Variants in ZBTB38 observed in about 807,000 individuals in gnomAD.
ZBTB38 encodes the protein zinc finger and BTB domain-containing protein 38.
A neutral mutation model predicts 76.8 loss-of-function variants in ZBTB38; 20 were observed. The ratio of observed to expected loss-of-function variants is 0.26; its 90% confidence interval spans 0.18 to 0.38. The LOEUF is 0.38. Ranked by LOEUF, ZBTB38 falls within the 10% of genes least tolerant of loss-of-function variation. ZBTB38 has a pLI of 1.00. For synonymous variants in ZBTB38, 504 were observed against 544.2 expected (o/e 0.93, Z 1.03); for missense variants, 1,082 against 1,482.3 (o/e 0.73, Z 4.43).
intron 4 of ZBTB38, chr3:141,402,405 A>G (rs1952393429): frequency 6.6e-6 from 1 of 151,152 alleles, no homozygotes; most frequent in South Asian, 2.1e-4. Context: ...CGGAAGCACC[A>G]TGGACCCCCG....
intron 1 of ZBTB38, among the ~76,000 whole-genome samples, chr3:141,346,220 T>C (rs1164593108): frequency 6.6e-6 from 1 of 152,170 alleles, no homozygotes; most frequent in Non-Finnish European, 1.5e-5. Flanking sequence ...GATACCCAGG[T>C]GTCACCCCAG....
intron 1 of ZBTB38, among the ~76,000 whole-genome samples, chr3:141,326,674 G>A (rs1942683320): frequency 6.6e-6 from 1 of 152,090 alleles, no homozygotes; most frequent in Non-Finnish European, 1.5e-5. Flanking sequence ...CTCTGATCAT[G>A]TTGTGTTTTT....
At chr3:141,408,811 T>A (rs1955582815) in intron 5 of ZBTB38, among the ~76,000 whole-genome samples, 1 of 152,246 alleles carries the variant, frequency 6.6e-6, no homozygotes, top group Admixed American at 6.5e-5. Flanking sequence ...CTTGCTGGTT[T>A]GCCTCTTTGG....
chr3:141,444,439 C>A lies in ZBTB38; in HGVS notation c.2051C>A (p.Ser684Tyr). The A allele has an allele frequency of 6.2e-7, 1 of 1,614,040 alleles. No individual in the cohort carries two copies. The highest frequency in any genetic ancestry group is 8.5e-7 in the Non-Finnish European group (1 of 1,180,034). The change falls in exon 6 of 6, where the codon TCT becomes TAT. Residue 684 changes from serine to tyrosine, a missense_variant. By Grantham distance (144) the Ser-to-Tyr change is moderately radical (BLOSUM62 -2). Around this residue, in one of 8 missense-constraint regions of ZBTB38, gnomAD observed 471 missense variants for 581.0 expected, o/e 0.81. Coordinates refer to ENST00000321464, the MANE Select transcript of ZBTB38 (RefSeq NM_001376113.1). The surrounding 1 kb of genome is among the most constrained non-coding windows in gnomAD (Gnocchi z 5.1). Reference sequence around the variant, plus strand: ...TCTTCCACTGAAAATGCTGTCAGTTCTGACCTCCGGGCAGGGGATGTACCT... The same window carrying A: ...TCTTCCACTGAAAATGCTGTCAGTTATGACCTCCGGGCAGGGGATGTACCT... ...SVSSTENAVS[S>Y]DLRAGDVPVL...
intron 1 of ZBTB38, among the ~76,000 whole-genome samples, chr3:141,351,707 A>T (rs1943520216): frequency 7.1e-6 from 1 of 141,504 alleles, no homozygotes; most frequent in Non-Finnish European, 1.5e-5. Flanking sequence ...GTAACAGAGC[A>T]AGACTCTGTC....
At chr3:141,404,840 G>A (rs1017387206) in intron 5 of ZBTB38, among the ~76,000 whole-genome samples, 2 of 152,164 alleles carry the variant, frequency 1.3e-5, no homozygotes, top group Non-Finnish European at 2.9e-5. Flanking sequence ...CAAAGTGCCC[G>A]TCCTGGAGGA....
At chr3:141,357,201 A>G (rs185220848) in intron 1 of ZBTB38, among the ~76,000 whole-genome samples, 31 of 152,104 alleles carry the variant, frequency 2.0e-4, no homozygotes, top group Non-Finnish European at 3.8e-4. Flanking sequence ...TTTATATACT[A>G]TTTGTCATTG....
intron 4 of ZBTB38, chr3:141,387,577 T>G (rs1576886798): frequency 6.6e-6 from 1 of 152,198 alleles, no homozygotes; most frequent in East Asian, 1.9e-4. Context: ...GCCTTTGCAG[T>G]GGTCAGCTCC....
At chr3:141,425,653 C>T (rs939628901) in intron 5 of ZBTB38, among the ~76,000 whole-genome samples, 2 of 152,236 alleles carry the variant, frequency 1.3e-5, no homozygotes, top group Non-Finnish European at 2.9e-5. Context: ...CTGCTCCAGG[C>T]CCAGTTACAT....
chr3:141,397,937 G>A (rs1451067676), intron 4 of ZBTB38, among the ~76,000 whole-genome samples: 1 of 152,202 alleles, frequency 6.6e-6, no homozygotes, highest in Non-Finnish European at 1.5e-5. Flanking sequence ...GTGAGCACAT[G>A]CTATTAGGAA....
chr3:141,438,830 C>G (rs867785796), intron 5 of ZBTB38, among the ~76,000 whole-genome samples: 2 of 152,188 alleles, frequency 1.3e-5, no homozygotes, highest in Non-Finnish European at 1.5e-5. Flanking sequence ...CTCTCTCATT[C>G]AACAGATACA....
intron 2 of ZBTB38, among the ~76,000 whole-genome samples, chr3:141,374,443 T>C (rs7624084): frequency 0.53 from 80,373 of 151,928 alleles, 23,441 homozygotes; most frequent in African/African-American, 0.8. Flanking sequence ...TGCATTGGGA[T>C]AAGGAGGCTT....
chr3:141,434,707 A>G (rs1034414619), intron 5 of ZBTB38, among the ~76,000 whole-genome samples: 3 of 152,190 alleles, frequency 2.0e-5, no homozygotes, highest in African/African-American at 7.2e-5. Flanking sequence ...AGTGGCATTT[A>G]TATAAAGTCT....
chr3:141,426,130 C>A (rs1186469148), intron 5 of ZBTB38: 3 of 1,289,288 alleles, frequency 2.3e-6, no homozygotes, highest in Non-Finnish European at 1.0e-6. Context: ...CTCAGACAGG[C>A]TGCCCAGAGG....
intron 3 of ZBTB38, chr3:141,386,378 C>T (rs1471522553): frequency 2.0e-5 from 3 of 152,188 alleles, no homozygotes; most frequent in Non-Finnish European, 4.4e-5. Flanking sequence ...CTCTGTACTG[C>T]AGATACATTT....
chr3:141,335,046 GC>G (rs1393365236), intron 1 of ZBTB38, among the ~76,000 whole-genome samples: 1 of 152,146 alleles, frequency 6.6e-6, no homozygotes, highest in Non-Finnish European at 1.5e-5. Context: ...CGCCTCTGCT[GC>G]CGACACTACC....
At chr3:141,412,263 G>A (rs1394748541) in intron 5 of ZBTB38, among the ~76,000 whole-genome samples, 2 of 152,142 alleles carry the variant, frequency 1.3e-5, no homozygotes, top group Admixed American at 6.5e-5. Flanking sequence ...ATCTCTAGAC[G>A]ATTACCCTTG....
At chr3:141,324,889 A>G (rs148100601) in intron 1 of ZBTB38, among the ~76,000 whole-genome samples, 30 of 152,356 alleles carry the variant, frequency 2.0e-4, no homozygotes, top group African/African-American at 6.5e-4. Flanking sequence ...GTGTATTTAT[A>G]AAGATAAAAT....
At chr3:141,376,176 T>A (rs150770160) in intron 2 of ZBTB38, among the ~76,000 whole-genome samples, 364 of 152,204 alleles carry the variant, frequency 2.4e-3, no homozygotes, top group African/African-American at 8.4e-3. Flanking sequence ...AGGCATCACT[T>A]GACTTTCAAG....
Sources: allele counts gnomAD v4.1 joint callset (sites outside exome capture counted in the v4.1 genomes callset), GRCh38; gene constraint gnomAD v4.1.1; regional missense constraint gnomAD v4.1.1; non-coding constraint Gnocchi (gnomAD v3.1); transcripts MANE v1.5; gene names NCBI Gene and HGNC (gene_info 2026-07-23, HGNC 2026-07-21).